CADPS: variants seen among roughly 807,000 people sequenced by gnomAD.
The protein encoded by CADPS is calcium-dependent secretion activator 1.
Under a neutral mutation model 167.3 loss-of-function variants are expected in CADPS, and 57 were observed. The ratio of observed to expected loss-of-function variants is 0.34; its 90% CI spans 0.28 to 0.42. CADPS has a LOEUF of 0.42. Ranked by LOEUF, CADPS falls within the 20% of genes least tolerant of loss-of-function variation. CADPS has a pLI of 1.00. For synonymous variants in CADPS, 676 were observed against 635.3 expected, an observed-to-expected ratio of 1.06 and a Z score of -0.96; for missense variants, 1,414 against 1,738.1, an observed-to-expected ratio of 0.81 and a Z score of 3.32.
At chr3:62,780,198 A>G (rs1307897829) in intron 1 of CADPS, among the ~76,000 whole-genome samples, 1 of 152,130 alleles carries the variant, frequency 6.6e-6, no homozygotes, top group African/African-American at 2.4e-5. Context: ...AAATAGAAAA[A>G]TGATCTAAAA....
At chr3:62,523,116 T>A (rs1483405277) in intron 13 of CADPS, among the ~76,000 whole-genome samples, 1 of 152,214 alleles carries the variant, frequency 6.6e-6, no homozygotes, top group Admixed American at 6.5e-5. Flanking sequence ...ACCAGTTCTG[T>A]CATCTTCACT....
chr3:62,508,907 T>A (rs149430620), intron 17 of CADPS, among the ~76,000 whole-genome samples: 2,909 of 152,164 alleles, frequency 0.019, 37 homozygotes, highest in Non-Finnish European at 0.028. Flanking sequence ...GTTTAAAACA[T>A]GTTTCTCTTT....
chr3:62,659,374 G>A (rs1218790710), intron 4 of CADPS, among the ~76,000 whole-genome samples: 1 of 152,156 alleles, frequency 6.6e-6, no homozygotes, highest in African/African-American at 2.4e-5. Flanking sequence ...ATTTTCATCA[G>A]TATTAGCCAG....
intron 8 of CADPS, among the ~76,000 whole-genome samples, chr3:62,584,258 C>G (rs568820275): frequency 1.3e-5 from 2 of 152,078 alleles, no homozygotes. Context: ...CCTCCCGTCT[C>G]GGCCTCCCAA....
intron 9 of CADPS, 140 bp downstream of exon 9, chr3:62,570,732 G>C (rs1392538144): frequency 1.5e-6 from 1 of 688,176 alleles, no homozygotes; most frequent in East Asian, 2.5e-5. Flanking sequence ...CTGAATGGTG[G>C]TTACATGGAT....
At chr3:62,600,356 G>A (rs1014424608) in intron 6 of CADPS, among the ~76,000 whole-genome samples, 4 of 152,080 alleles carry the variant, frequency 2.6e-5, no homozygotes, top group African/African-American at 9.7e-5. Context: ...ATAATAAGCT[G>A]CTATTATTAC....
chr3:62,622,020 C>A (rs113472524), intron 6 of CADPS, among the ~76,000 whole-genome samples: 3 of 152,010 alleles, frequency 2.0e-5, no homozygotes, highest in African/African-American at 7.2e-5. Flanking sequence ...ACAAGTTTCA[C>A]GTCCTCTGTG....
chr3:62,603,743 T>C (rs1356058539), intron 6 of CADPS, among the ~76,000 whole-genome samples: 1 of 152,190 alleles, frequency 6.6e-6, no homozygotes, highest in Non-Finnish European at 1.5e-5. Context: ...CTAAGCATAT[T>C]GATCATAGTT....
intron 3 of CADPS, among the ~76,000 whole-genome samples, chr3:62,662,697 C>T (rs188229473): frequency 1.2e-4 from 18 of 152,210 alleles, no homozygotes; most frequent in Admixed American, 4.6e-4. Flanking sequence ...TTCTTTTTGG[C>T]CCAGTGACCA....
At chr3:62,444,768 C>T (rs1244278191) in intron 27 of CADPS, among the ~76,000 whole-genome samples, 1 of 151,772 alleles carries the variant, frequency 6.6e-6, no homozygotes, top group Non-Finnish European at 1.5e-5. Context: ...TAAACCATTA[C>T]ACACTTAGCT....
At chr3:62,476,929 G>A (rs1431916459) in intron 23 of CADPS, among the ~76,000 whole-genome samples, 1 of 152,056 alleles carries the variant, frequency 6.6e-6, no homozygotes, top group Non-Finnish European at 1.5e-5. Flanking sequence ...AAGACCCTAA[G>A]GAAATATTTT....
At chr3:62,609,269 T>TTCCTGCA (rs1233363585) in intron 6 of CADPS, among the ~76,000 whole-genome samples, 1 of 152,154 alleles carries the variant, frequency 6.6e-6, no homozygotes, top group Non-Finnish European at 1.5e-5. Context: ...GCTTCCTTCT[T>TTCCTGCA]TCCTGCATCC....
chr3:62,461,315 G>A (rs2059322839), intron 26 of CADPS, among the ~76,000 whole-genome samples: 1 of 152,190 alleles, frequency 6.6e-6, no homozygotes, highest in African/African-American at 2.4e-5. Context: ...ATATTACACT[G>A]AAGGAGATTA....
chr3:62,644,107 G>C lies in CADPS; in HGVS notation c.1325+1615C>G, dbSNP rs1168387419. ...GCCACTTGAAGGTATACAATGCCCTGAGATTTTCTCTAGTCCAGGAAACAT... is the reference window on the plus strand; with the variant it reads ...GCCACTTGAAGGTATACAATGCCCTCAGATTTTCTCTAGTCCAGGAAACAT... On this transcript the variant is annotated intron_variant, in intron 6 of 29. Coordinates refer to ENST00000383710, the MANE Select transcript of CADPS (RefSeq NM_003716.4). Among the ~76,000 whole-genome samples, 3 of 152,184 alleles carry C rather than the reference G, an allele frequency of 2.0e-5. No homozygotes were observed. The East Asian group carries it at 5.8e-4, about 29-fold the overall frequency.
intron 1 of CADPS, among the ~76,000 whole-genome samples, chr3:62,832,844 A>G (rs1280840370): frequency 6.6e-6 from 1 of 152,236 alleles, no homozygotes; most frequent in Non-Finnish European, 1.5e-5. Context: ...ATAAAACTAA[A>G]AGGCAGAGAA....
At chr3:62,528,834 G>A in intron 13 of CADPS, among the ~76,000 whole-genome samples, 1 of 152,168 alleles carries the variant, frequency 6.6e-6, no homozygotes, top group East Asian at 1.9e-4. Flanking sequence ...CATAAAAATA[G>A]CTAATCTGAA....
At chr3:62,774,651 T>A (rs35310050) in intron 1 of CADPS, among the ~76,000 whole-genome samples, 2,016 of 152,350 alleles carry the variant, frequency 0.013, 20 homozygotes, top group Middle Eastern at 0.071. Flanking sequence ...AATACCCTTT[T>A]ATGAAAATAA....
chr3:62,676,073 T>C (rs1005860832), intron 3 of CADPS, among the ~76,000 whole-genome samples: 4 of 152,110 alleles, frequency 2.6e-5, no homozygotes, highest in African/African-American at 7.2e-5. Flanking sequence ...ATGATGGCAA[T>C]TGTGTTTTTA....
intron 6 of CADPS, among the ~76,000 whole-genome samples, chr3:62,596,566 C>T (rs539130921): frequency 6.6e-6 from 1 of 152,262 alleles, no homozygotes; most frequent in South Asian, 2.1e-4. Context: ...ATATCCATCA[C>T]CTCAAATATT....
Sources: gnomAD v4.1 joint callset for allele counts (sites outside exome capture counted in the v4.1 genomes callset) on GRCh38, gnomAD v4.1.1 for gene constraint, MANE v1.5 for transcripts, NCBI Gene and HGNC (gene_info 2026-07-23, HGNC 2026-07-21) for gene names.